Variants in WDFY2 observed in about 807,000 individuals in gnomAD.
WDFY2 encodes WD repeat and FYVE domain containing 2, also known as WD repeat and FYVE domain-containing protein 2.
In WDFY2, 36 loss-of-function variants were observed where a neutral mutation model predicts 56.4. The observed-to-expected ratio is 0.64, with a 90% CI of 0.49 to 0.84. The LOEUF is 0.84. WDFY2 is among the 40% of genes least tolerant of loss of function. The pLI, the probability that WDFY2 is intolerant of heterozygous loss-of-function variation, is 0.00. For synonymous variants in WDFY2, 176 were observed against 183.7 expected (o/e 0.96, Z 0.34); for missense variants, 444 against 512.2 (o/e 0.87, Z 1.29).
chr13:51,705,463 T>C (rs1722550909), intron 4 of WDFY2, among the ~76,000 whole-genome samples: 1 of 152,158 alleles, frequency 6.6e-6, no homozygotes, highest in South Asian at 2.1e-4. Flanking sequence ...TTCCCTTCTC[T>C]CTTTTCCTGA....
intron 3 of WDFY2, among the ~76,000 whole-genome samples, chr13:51,687,038 CACTT>C (rs1005563237): frequency 1.3e-5 from 2 of 150,238 alleles, no homozygotes; most frequent in African/African-American, 4.9e-5. Flanking sequence ...AATAATGTCA[CACTT>C]ATTTATATAT....
chr13:51,637,631 G>A (rs947712826), intron 1 of WDFY2, among the ~76,000 whole-genome samples: 1 of 152,096 alleles, frequency 6.6e-6, no homozygotes, highest in African/African-American at 2.4e-5. Flanking sequence ...CAAAGCAAAA[G>A]CAAGTTTATT....
chr13:51,658,385 A>T (rs1955550340), intron 1 of WDFY2, among the ~76,000 whole-genome samples: 1 of 152,200 alleles, frequency 6.6e-6, no homozygotes, highest in Admixed American at 6.5e-5. Context: ...CCTTTGCTTA[A>T]ATCTCTCAAT....
chr13:51,661,667 A>G (rs1033708616), intron 2 of WDFY2, among the ~76,000 whole-genome samples: 4 of 152,242 alleles, frequency 2.6e-5, no homozygotes, highest in Admixed American at 6.5e-5. Context: ...ATTATTAATG[A>G]TATAATAATT....
chr13:51,739,490 G>C (rs1432741508), intron 7 of WDFY2, among the ~76,000 whole-genome samples: 1 of 151,824 alleles, frequency 6.6e-6, no homozygotes, highest in Admixed American at 6.6e-5. Context: ...AAAAAAAAAA[G>C]CTTGAAAATA....
intron 8 of WDFY2, among the ~76,000 whole-genome samples, chr13:51,754,392 T>C (rs1339133793): frequency 6.6e-6 from 1 of 152,186 alleles, no homozygotes; most frequent in Non-Finnish European, 1.5e-5. Context: ...GTGGGATCAA[T>C]TGAAGGTATA....
At position 51,751,433 on chromosome 13, in the gene WDFY2, G is replaced by A. The variant is rs367800060; in HGVS notation, c.831+18G>A. The A allele has an allele frequency of 6.2e-7, 1 of 1,609,694 alleles. No individual in the cohort carries two copies. Among genetic ancestry groups the A allele is most frequent in the East Asian group, 2.2e-5 (1 of 44,846 alleles). On this transcript the variant is annotated intron_variant, in intron 8 of 11. Transcript: ENST00000298125. ...GGCAGGAGGTAGGTGGCACAGCAGGGTGGGGTGGGCCCTGTGGTTCTGGCC... is the reference window on the plus strand; with the variant it reads ...GGCAGGAGGTAGGTGGCACAGCAGGATGGGGTGGGCCCTGTGGTTCTGGCC...
chr13:51,640,520 G>T (rs1955135018), intron 1 of WDFY2, among the ~76,000 whole-genome samples: 5 of 152,142 alleles, frequency 3.3e-5, no homozygotes, highest in Admixed American at 3.3e-4. Context: ...AGGATAACTG[G>T]TTCCACATAC....
In WDFY2 at chr13:51,620,582, G is replaced by A. The variant is rs185491751; in HGVS notation, c.137+35758G>A. The stretch of plus-strand genomic sequence containing the variant: ...GTGGGCTCTCAACCCATCCCAGCCC[G>A]TCTGCACCTGCTCACTCCCATCCAC... On this transcript the variant is annotated intron_variant, in intron 1 of 11. Coordinates refer to ENST00000298125, the MANE Select transcript of WDFY2 (RefSeq NM_052950.4). 1.7e-4 allele frequency among the ~76,000 whole-genome samples: 26 copies of A among 152,116 alleles called. No homozygotes were observed. The East Asian group carries it at 1.9e-3, about 11-fold the overall frequency.
At chr13:51,625,054 A>G (rs77486211) in intron 1 of WDFY2, among the ~76,000 whole-genome samples, 7,785 of 152,258 alleles carry the variant, frequency 0.051, 270 homozygotes, top group Non-Finnish European at 0.081. Flanking sequence ...TTTTGGTAGT[A>G]TCAACTGACT....
chr13:51,605,182 GA>G (rs1393204421), intron 1 of WDFY2, among the ~76,000 whole-genome samples: 3 of 152,210 alleles, frequency 2.0e-5, no homozygotes, highest in African/African-American at 7.2e-5. Flanking sequence ...TTCAAAAGAT[GA>G]GTGGATTCTG....
chr13:51,612,701 T>G (rs1954526656), intron 1 of WDFY2, among the ~76,000 whole-genome samples: 1 of 152,212 alleles, frequency 6.6e-6, no homozygotes, highest in Admixed American at 6.5e-5. Context: ...GTATAGTTCT[T>G]TGTTAATGTG....
At chr13:51,638,496 T>A (rs1469037743) in intron 1 of WDFY2, among the ~76,000 whole-genome samples, 1 of 152,196 alleles carries the variant, frequency 6.6e-6, no homozygotes, top group African/African-American at 2.4e-5. Context: ...TTCTTAAAAC[T>A]CTTAGATGGA....
At chr13:51,744,370 G>A (rs892158936) in intron 7 of WDFY2, among the ~76,000 whole-genome samples, 4 of 152,192 alleles carry the variant, frequency 2.6e-5, no homozygotes, top group African/African-American at 9.6e-5. Flanking sequence ...TCTCTAAAAA[G>A]GATAAGGTCT....
intron 4 of WDFY2, among the ~76,000 whole-genome samples, chr13:51,718,198 A>T (rs1261182312): frequency 1.3e-5 from 2 of 152,170 alleles, no homozygotes; most frequent in African/African-American, 4.8e-5. Context: ...TTCATGCCCC[A>T]TCAGACTGCC....
chr13:51,709,534 C>G (rs1025421124), intron 4 of WDFY2, among the ~76,000 whole-genome samples: 7 of 152,014 alleles, frequency 4.6e-5, no homozygotes, highest in Middle Eastern at 6.8e-3. Context: ...TGATAGACCA[C>G]TAGCAAAACT....
chr13:51,690,808 A>G (rs1481635621), intron 3 of WDFY2, among the ~76,000 whole-genome samples: 2 of 152,190 alleles, frequency 1.3e-5, no homozygotes, highest in African/African-American at 2.4e-5. Context: ...TTACAGTCCC[A>G]CCAACAGTGT....
chr13:51,661,668 TATA>T (rs1347202254), intron 2 of WDFY2, among the ~76,000 whole-genome samples: 2 of 152,234 alleles, frequency 1.3e-5, no homozygotes, highest in Admixed American at 1.3e-4. Context: ...TTATTAATGA[TATA>T]ATAATTTTAA....
chr13:51,756,573 G>C (rs942142472), intron 10 of WDFY2, 111 bp downstream of exon 10: 4 of 1,447,270 alleles, frequency 2.8e-6, no homozygotes, highest in Non-Finnish European at 3.6e-6. Flanking sequence ...TGCTGGTTTA[G>C]AATATAGTCC....
Sources: allele counts gnomAD v4.1 joint callset (sites outside exome capture counted in the v4.1 genomes callset), GRCh38; gene constraint gnomAD v4.1.1; transcripts MANE v1.5; gene names NCBI Gene and HGNC (gene_info 2026-07-23, HGNC 2026-07-21).